Variants in CD37 observed in about 807,000 individuals in gnomAD.
The protein encoded by CD37 is leukocyte antigen CD37.
In CD37, 37 loss-of-function variants were observed where a neutral mutation model predicts 38.9. The ratio of observed to expected loss-of-function variants is 0.95; its 90% CI spans 0.73 to 1.25. The LOEUF is 1.25. Ranked by LOEUF, CD37 falls within the 50% of genes most tolerant of loss-of-function variation. The probability of loss-of-function intolerance (pLI) is 0.00; values close to 1 mark genes in which losing one functional copy is unlikely to be tolerated. For missense variants in CD37, 351 were observed against 360.1 expected (o/e 0.97, Z 0.20); for synonymous variants, 146 against 150.1 (o/e 0.97, Z 0.20).
chr19:49,337,283 G>A, intron 4 of CD37, 62 bp downstream of exon 4: 1 of 1,479,596 alleles, frequency 6.8e-7, no homozygotes, highest in Non-Finnish European at 9.4e-7. Flanking sequence ...GGGAGTGGTG[G>A]GAGAGGGTGG....
chr19:49,339,948 G>A lies in CD37; in HGVS notation c.769-303G>A, dbSNP rs1044105274. 1.4e-5 allele frequency: 20 copies of A among 1,394,670 alleles called. No individual in the cohort carries two copies. In the African/African-American group the frequency reaches 1.5e-4, roughly 10 times the overall value. The allele number at this position is 1,394,670 out of a possible 1,614,324, so 86.4% of individuals were successfully genotyped here. On this transcript the variant is annotated intron_variant, in intron 7 of 7. Coordinates refer to ENST00000323906, the MANE Select transcript of CD37 (RefSeq NM_001774.3). This position sits in a 1 kb window ranked among gnomAD's most constrained non-coding sequence, Gnocchi z 4.5. The stretch of plus-strand genomic sequence containing the variant: ...GAAGTGCGGGCGCAGAATTAGAGGA[G>A]GCACAATTAGAGGCTGAGGCAGAGG...
chr19:49,335,916 C>G lies in CD37; in HGVS notation c.142+130C>G, dbSNP rs770146606. The G allele has an allele frequency of 1.3e-6, 1 of 741,834 alleles. No homozygotes were observed. Among genetic ancestry groups the G allele is most frequent in the African/African-American group, 1.8e-5 (1 of 57,066 alleles). The allele number at this position is 741,834 out of a possible 1,614,324, so 46.0% of individuals were successfully genotyped here. ...CTACAGGCTCCCATCCACTGCTCAC[C>G]GGAGGCTTCTTGGAGCCTGAGTCTT... On this transcript the variant is annotated intron_variant, in intron 2 of 7. Transcript: ENST00000323906. This position sits in a 1 kb window ranked among gnomAD's most constrained non-coding sequence, Gnocchi z 4.6.
At position 49,339,868 on chromosome 19, in the gene CD37, A is replaced by G. The variant is rs1353768022; in HGVS notation, c.769-383A>G. 3.0e-6 allele frequency: 4 copies of G among 1,337,462 alleles called. No individual in the cohort carries two copies. Among genetic ancestry groups the G allele is most frequent in the Non-Finnish European group, 3.9e-6 (4 of 1,038,736 alleles). The allele number at this position is 1,337,462 out of a possible 1,614,324, so 82.8% of individuals were successfully genotyped here. ...CAAGGCACCGCAGGGCAAGCTGCCC[A>G]TGGCCCTGGGGCTCTGGCCGCTGTG... On this transcript the variant is annotated intron_variant, in intron 7 of 7. Transcript: ENST00000323906. The surrounding 1 kb of genome is among the most constrained non-coding windows in gnomAD (Gnocchi z 4.5).
rs372817759 is a variant in CD37, at chr19:49,338,728, A to G, written c.476A>G (p.Gln159Arg). 1 of 1,612,702 alleles carries G rather than the reference A, an allele frequency of 6.2e-7. No individual in the cohort carries two copies. The highest frequency in any genetic ancestry group is 1.3e-5 in the African/African-American group (1 of 75,032). Residue 159 changes from glutamine (Q) to arginine (R), a missense_variant, in exon 6 of 8, where the codon CAG becomes CGG. By Grantham distance (43) the Gln-to-Arg change is conservative (BLOSUM62 1). Coordinates refer to ENST00000323906, the MANE Select transcript of CD37 (RefSeq NM_001774.3). The surrounding 1 kb of genome is among the most constrained non-coding windows in gnomAD (Gnocchi z 5.0). Reference sequence around the variant, plus strand: ...CGCTGCTGCGGCTGGCACTACCCGCAGGACTGGTTCCAAGTCCTCATCCTG... The same window carrying G: ...CGCTGCTGCGGCTGGCACTACCCGCGGGACTGGTTCCAAGTCCTCATCCTG... ...QLRCCGWHYP[Q>R]DWFQVLILRG...
At position 49,339,373 on chromosome 19, in the gene CD37, T is replaced by C. The variant is rs1470542072; in HGVS notation, c.728T>C (p.Ile243Thr). 6.2e-7 allele frequency: 1 copy of C among 1,613,932 alleles called. No individual in the cohort carries two copies. Among genetic ancestry groups the C allele is most frequent in the African/African-American group, 1.3e-5 (1 of 74,904 alleles). ...CAGAAGTGGCTGCACAACAACCTTA[T>C]TTCCATAGTGGGCATTTGCCTGGGC... ...GLQKWLHNNL[I>T]SIVGICLGVG... is the part of the protein sequence containing the mutation. The change falls in exon 7 of 8, where the codon ATT (isoleucine) becomes ACT (threonine). Residue 243 changes from isoleucine (I) to threonine (T), a missense_variant. By Grantham distance (89) the Ile-to-Thr change is moderately conservative (BLOSUM62 -1). Transcript: ENST00000323906. The surrounding 1 kb of genome is among the most constrained non-coding windows in gnomAD (Gnocchi z 4.5).
At position 49,340,467 on chromosome 19, in the gene CD37, G is replaced by T. The variant is rs1333141000; in HGVS notation, c.*139G>T. 3 of 698,096 alleles carry T rather than the reference G, an allele frequency of 4.3e-6. No homozygotes were observed. The highest frequency in any genetic ancestry group is 3.1e-5 in the South Asian group (2 of 64,096). 43.2% of individuals were successfully genotyped at this position (698,096 alleles called of 1,614,324 possible). A position where few individuals can be genotyped will look rare whatever the true frequency, so the allele number is the denominator to read the frequency against. ...TTCCCCTGGGGACCCACGTGGCTGCGTGCCCCTGCTGCTGTCACCTCTCCC... is the reference window on the plus strand; with the variant it reads ...TTCCCCTGGGGACCCACGTGGCTGCTTGCCCCTGCTGCTGTCACCTCTCCC... On this transcript the variant is annotated 3_prime_UTR_variant, in exon 8 of 8. Coordinates refer to ENST00000323906, the MANE Select transcript of CD37 (RefSeq NM_001774.3).
Position 49,338,187 on chromosome 19 carries a change from A to C in CD37, c.447+158A>C. 2.1e-6 allele frequency: 3 copies of C among 1,437,980 alleles called. No individual in the cohort carries two copies. Among genetic ancestry groups the C allele is most frequent in the Non-Finnish European group, 2.7e-6 (3 of 1,099,534 alleles). 89.1% of individuals were successfully genotyped at this position (1,437,980 alleles called of 1,614,324 possible). ...CGCTCCCCACTCCCCAGATGACACA[A>C]CTGTCCCCGGCGTCGCCTGGTCTCC... On this transcript the variant is annotated intron_variant, in intron 5 of 7. Coordinates refer to ENST00000323906, the MANE Select transcript of CD37 (RefSeq NM_001774.3). The surrounding 1 kb of genome is among the most constrained non-coding windows in gnomAD (Gnocchi z 5.0).
chr19:49,336,677 G>T (rs916848211), intron 2 of CD37: 27 of 503,716 alleles, frequency 5.4e-5, no homozygotes, highest in Non-Finnish European at 3.9e-5. Flanking sequence ...AGGAGCTGAA[G>T]GAGGAAGGAG....
At position 49,335,869 on chromosome 19, in the gene CD37, G is replaced by A. The variant is rs756815630; in HGVS notation, c.142+83G>A. The A allele has an allele frequency of 9.4e-5, 107 of 1,138,630 alleles. No homozygotes were observed. Among genetic ancestry groups the A allele is most frequent in the South Asian group, 6.3e-4 (51 of 81,260 alleles). 70.5% of individuals were successfully genotyped at this position (1,138,630 alleles called of 1,614,324 possible). On this transcript the variant is annotated intron_variant, in intron 2 of 7. Coordinates refer to ENST00000323906, the MANE Select transcript of CD37 (RefSeq NM_001774.3). The surrounding 1 kb of genome is among the most constrained non-coding windows in gnomAD (Gnocchi z 4.6). ...TCTCCCTTGTCTCAGGGAGACCTAC[G>A]GTGCCCTACTCTGCAGGCAGGCTAC... is the stretch of plus-strand genomic sequence containing the variant.
Position 49,340,313 on chromosome 19 carries a change from C to T in CD37, c.831C>T (p.Leu277=), listed in dbSNP as rs1298426083. ...ACCTGGACCACGTCTACAACCGGCT[C>T]GCTCGATACCGTTAGGCCCCGCCCT... is the stretch of plus-strand genomic sequence containing the variant. The part of the protein sequence containing the change: ...CRNLDHVYNR[L]ARYR Residue 277 remains leucine, a synonymous_variant, in exon 8 of 8, where the codon CTC becomes CTT. Coordinates refer to ENST00000323906, the MANE Select transcript of CD37 (RefSeq NM_001774.3). The T allele has an allele frequency of 1.2e-6, 2 of 1,613,150 alleles. No individual in the cohort carries two copies. Among genetic ancestry groups the T allele is most frequent in the Non-Finnish European group, 1.7e-6 (2 of 1,179,326 alleles).
rs1397868543 is a variant in CD37, at chr19:49,339,229, G to GTAGA, written c.685-99_685-96dup. The GTAGA allele has an allele frequency of 4.2e-5, 43 of 1,035,200 alleles. No individual in the cohort carries two copies. The highest frequency in any genetic ancestry group is 6.2e-5 in the Non-Finnish European group (42 of 678,036). 64.1% of individuals were successfully genotyped at this position (1,035,200 alleles called of 1,614,324 possible). A position where few individuals can be genotyped will look rare whatever the true frequency, so the allele number is the denominator to read the frequency against. On this transcript the variant is annotated intron_variant, in intron 6 of 7. Coordinates refer to ENST00000323906, the MANE Select transcript of CD37 (RefSeq NM_001774.3). This position sits in a 1 kb window ranked among gnomAD's most constrained non-coding sequence, Gnocchi z 4.5. ...AGTGCCCTGGTGACTAGGGGAGCGG[G>GTAGA]TAGATGCCTGAAGACGGTGAGGGTT...
chr19:49,337,551 G>A (rs1448975763), intron 4 of CD37: 1 of 1,055,214 alleles, frequency 9.5e-7, no homozygotes, highest in African/African-American at 1.6e-5. Context: ...GAGCCAGGGA[G>A]TTTGAGGCTA....
chr19:49,338,592 C>T lies in CD37; in HGVS notation c.448-108C>T. 1 of 794,250 alleles carries T rather than the reference C, an allele frequency of 1.3e-6. No individual in the cohort carries two copies. The highest frequency in any genetic ancestry group is 2.5e-5 in the East Asian group (1 of 40,236). The allele number at this position is 794,250 out of a possible 1,614,324, so 49.2% of individuals were successfully genotyped here. ...ACTGTCCCCCACTCCACACCCACCA[C>T]TTAGTCCCCTGCTCCCCGACCTGAC... On this transcript the variant is annotated intron_variant, in intron 5 of 7. Transcript: ENST00000323906. The surrounding 1 kb of genome is among the most constrained non-coding windows in gnomAD (Gnocchi z 5.0).
chr19:49,335,704 C>A lies in CD37; in HGVS notation c.70-10C>A. The A allele has an allele frequency of 1.2e-6, 2 of 1,613,960 alleles. No individual in the cohort carries two copies. The highest frequency in any genetic ancestry group is 1.7e-6 in the Non-Finnish European group (2 of 1,179,930). ...TGGCCCACCCCCGTATCCGCATCTC[C>A]TCTCCCCAGGTCCTCGGCAGCCTGA... On this transcript the variant is annotated splice_polypyrimidine_tract_variant and intron_variant, in intron 1 of 7. Coordinates refer to ENST00000323906, the MANE Select transcript of CD37 (RefSeq NM_001774.3). This position sits in a 1 kb window ranked among gnomAD's most constrained non-coding sequence, Gnocchi z 4.6.
At chr19:49,337,113 G>C in intron 3 of CD37, 34 bp from the exon 4 acceptor site, 1 of 1,614,098 alleles carries the variant, frequency 6.2e-7, no homozygotes, top group Non-Finnish European at 8.5e-7. Flanking sequence ...GGTTGCAGGG[G>C]TGGTCAGCCT....
Position 49,339,019 on chromosome 19 carries a change from A to G in CD37, c.684+83A>G, listed in dbSNP as rs946801239. 1 of 1,126,592 alleles carries G rather than the reference A, an allele frequency of 8.9e-7. No individual in the cohort carries two copies. The allele number at this position is 1,126,592 out of a possible 1,614,324, so 69.8% of individuals were successfully genotyped here. Reference sequence around the variant, plus strand: ...AGGGCTGTCAGTGAGTAGCGGCCTGAGAAAGGGCGGGGTCTACGAGAAAAG... The same window carrying G: ...AGGGCTGTCAGTGAGTAGCGGCCTGGGAAAGGGCGGGGTCTACGAGAAAAG... On this transcript the variant is annotated intron_variant, in intron 6 of 7. Coordinates refer to ENST00000323906, the MANE Select transcript of CD37 (RefSeq NM_001774.3). This position sits in a 1 kb window ranked among gnomAD's most constrained non-coding sequence, Gnocchi z 4.5.
chr19:49,339,056 C>T lies in CD37; in HGVS notation c.684+120C>T. On this transcript the variant is annotated intron_variant, in intron 6 of 7. Coordinates refer to ENST00000323906, the MANE Select transcript of CD37 (RefSeq NM_001774.3). This position sits in a 1 kb window ranked among gnomAD's most constrained non-coding sequence, Gnocchi z 4.5. ...GTCTACGAGAAAAGGAAAGGTACGG[C>T]AGGAGGGGCGGGGCCCTCTGAAGGG... 1 of 857,128 alleles carries T rather than the reference C, an allele frequency of 1.2e-6. No homozygotes were observed. The highest frequency in any genetic ancestry group is 1.5e-5 in the South Asian group (1 of 64,584). 53.1% of individuals were successfully genotyped at this position (857,128 alleles called of 1,614,324 possible).
At position 49,337,993 on chromosome 19, in the gene CD37, C is replaced by A; in HGVS notation, c.411C>A (p.Thr137=). ...AGTACGGCACCAACCCCGAGGAGAC[C>A]GCGGCCGAGGAGAGCTGGGACTATG... ...IQKYGTNPEE[T]AAEESWDYVQ... is the part of the protein sequence containing the mutation. Residue 137 remains threonine, a synonymous_variant, in exon 5 of 8, where the codon ACC becomes ACA. Transcript: ENST00000323906. The A allele has an allele frequency of 6.2e-7, 1 of 1,614,020 alleles. No individual in the cohort carries two copies. The highest frequency in any genetic ancestry group is 1.3e-5 in the African/African-American group (1 of 75,012).
chr19:49,340,279 T>A lies in CD37; in HGVS notation c.797T>A (p.Leu266Gln), dbSNP rs750073378. ...GGGTTCATGACGCTCTCGATATTCCTGTGCAGAAACCTGGACCACGTCTAC... is the reference window on the plus strand; with the variant it reads ...GGGTTCATGACGCTCTCGATATTCCAGTGCAGAAACCTGGACCACGTCTAC... ...ELGFMTLSIF[L>Q]CRNLDHVYNR... The change falls in exon 8 of 8, where the codon CTG becomes CAG. Residue 266 changes from leucine to glutamine, a missense_variant. Leu to Gln is a moderately radical substitution (Grantham distance 113). Transcript: ENST00000323906. 5 of 1,613,926 alleles carry A rather than the reference T, an allele frequency of 3.1e-6. No homozygotes were observed. The South Asian group carries it at 5.5e-5, about 18-fold the overall frequency.
Sources: gnomAD v4.1 joint callset for allele counts on GRCh38, gnomAD v4.1.1 for gene constraint, Gnocchi (gnomAD v3.1) non-coding constraint, MANE v1.5 for transcripts, NCBI Gene and HGNC (gene_info 2026-07-23, HGNC 2026-07-21) for gene names.